The following FNDC3B variants were observed in gnomAD, a reference collection of about 807,000 sequenced individuals.
FNDC3B encodes the protein fibronectin type III domain-containing protein 3B.
A neutral mutation model predicts 151.5 loss-of-function variants in FNDC3B; 12 were observed. The ratio of observed to expected loss-of-function variants is 0.08; its 90% CI spans 0.05 to 0.13. The LOEUF (loss-of-function observed/expected upper bound fraction) is 0.13. Among genes scored for constraint, FNDC3B ranks in the 10% least tolerant of loss-of-function variants. FNDC3B has a pLI of 1.00. For missense variants in FNDC3B, 1,214 were observed against 1,505.3 expected (o/e 0.81, Z 3.20); for synonymous variants, 528 against 549.0 (o/e 0.96, Z 0.54).
intron 4 of FNDC3B, among the ~76,000 whole-genome samples, chr3:172,234,004 G>C (rs572659455): frequency 2.0e-5 from 3 of 152,270 alleles, no homozygotes; most frequent in African/African-American, 7.2e-5. Flanking sequence ...TACAGACAGG[G>C]TTGGCAATGC....
intron 23 of FNDC3B, among the ~76,000 whole-genome samples, chr3:172,376,574 G>C (rs1470028045): frequency 6.6e-6 from 1 of 152,174 alleles, no homozygotes; most frequent in Non-Finnish European, 1.5e-5. Flanking sequence ...ATAAATAGCT[G>C]TTTGGCTCTG....
intron 3 of FNDC3B, among the ~76,000 whole-genome samples, chr3:172,185,805 T>C (rs929778853): frequency 6.6e-6 from 1 of 152,206 alleles, no homozygotes; most frequent in Non-Finnish European, 1.5e-5. Context: ...TTTTTAATTA[T>C]GAGGAAATTA....
At chr3:172,066,373 T>C (rs1717496997) in intron 1 of FNDC3B, among the ~76,000 whole-genome samples, 1 of 152,268 alleles carries the variant, frequency 6.6e-6, no homozygotes, top group Non-Finnish European at 1.5e-5. Flanking sequence ...GGGAACGATG[T>C]GATTCCTATT....
chr3:172,218,307 C>T (rs915185066), intron 3 of FNDC3B, among the ~76,000 whole-genome samples: 1 of 151,994 alleles, frequency 6.6e-6, no homozygotes, highest in African/African-American at 2.4e-5. Flanking sequence ...ACAACTATGA[C>T]AAAGCAGCCA....
At chr3:172,275,290 G>T (rs752518007) in intron 6 of FNDC3B, among the ~76,000 whole-genome samples, 12 of 152,060 alleles carry the variant, frequency 7.9e-5, no homozygotes, top group Non-Finnish European at 1.3e-4. Context: ...TAGAACACTA[G>T]TTTCATTCTG....
At chr3:172,369,314 C>T (rs1734772026) in intron 23 of FNDC3B, among the ~76,000 whole-genome samples, 2 of 152,084 alleles carry the variant, frequency 1.3e-5, no homozygotes, top group African/African-American at 4.8e-5. Context: ...GAAGAGTATC[C>T]TTGAAGATTT....
chr3:172,312,082 G>C (rs1034256986), intron 11 of FNDC3B, among the ~76,000 whole-genome samples: 1 of 151,990 alleles, frequency 6.6e-6, no homozygotes, highest in Non-Finnish European at 1.5e-5. Context: ...TTAGAACTTA[G>C]GCAAAAAATG....
intron 3 of FNDC3B, among the ~76,000 whole-genome samples, chr3:172,177,515 A>T (rs1473176363): frequency 1.3e-5 from 2 of 151,836 alleles, no homozygotes; most frequent in Non-Finnish European, 2.9e-5. Context: ...TGTCTTGGAG[A>T]TAGAGATGGA....
At chr3:172,186,728 A>G (rs1265358850) in intron 3 of FNDC3B, 1 of 702,576 alleles carries the variant, frequency 1.4e-6, no homozygotes, top group South Asian at 1.5e-5. Context: ...TGGTGAAGAG[A>G]GCCTGCGATT....
chr3:172,261,269 A>G lies in FNDC3B; in HGVS notation c.790+9728A>G, dbSNP rs530047957. ...CGAGGTGGAAACCATTTCTGTTAAT[A>G]CCTTATCTGAAAGAGTCTCAGCATT... On this transcript the variant is annotated intron_variant, in intron 6 of 25. Coordinates refer to ENST00000415807, the MANE Select transcript of FNDC3B (RefSeq NM_022763.4). 1.1e-3 allele frequency among the ~76,000 whole-genome samples: 172 copies of G among 152,270 alleles called. 1 individual carries two copies. Among genetic ancestry groups the G allele is most frequent in the Admixed American group, 1.9e-3 (29 of 15,306 alleles).
intron 2 of FNDC3B, among the ~76,000 whole-genome samples, chr3:172,123,187 C>T (rs1559976561): frequency 1.3e-5 from 2 of 152,162 alleles, no homozygotes; most frequent in Non-Finnish European, 2.9e-5. Context: ...TATAGGCATG[C>T]ACCAGCATGG....
intron 4 of FNDC3B, among the ~76,000 whole-genome samples, chr3:172,243,890 G>A (rs1400591494): frequency 6.6e-6 from 1 of 152,188 alleles, no homozygotes; most frequent in Non-Finnish European, 1.5e-5. Context: ...GTCAGCCCAT[G>A]ATAGGTGACA....
rs1037796395 is a variant in FNDC3B, at chr3:172,400,799, C to T, written c.*3324C>T. 1 of 150,298 alleles carries T rather than the reference C, an allele frequency of 6.7e-6. No homozygotes were observed. The highest frequency in any genetic ancestry group is 2.4e-5 in the African/African-American group (1 of 40,940). The allele number at this position is 150,298 out of a possible 1,614,324, so 9.3% of individuals were successfully genotyped here. A position where few individuals can be genotyped will look rare whatever the true frequency, so the allele number is the denominator to read the frequency against. ...TTGAGACGGAGTCTTGCTCTGTCGCCAGGCTGGAGTGCAGTGGCGCGATCT... is the reference window on the plus strand; with the variant it reads ...TTGAGACGGAGTCTTGCTCTGTCGCTAGGCTGGAGTGCAGTGGCGCGATCT... On this transcript the variant is annotated 3_prime_UTR_variant, in exon 26 of 26. Coordinates refer to ENST00000415807, the MANE Select transcript of FNDC3B (RefSeq NM_022763.4).
intron 25 of FNDC3B, among the ~76,000 whole-genome samples, chr3:172,384,133 TA>T (rs889005011): frequency 2.0e-5 from 3 of 152,176 alleles, no homozygotes; most frequent in Non-Finnish European, 2.9e-5. Flanking sequence ...AAAATGTTTT[TA>T]AAAAAAGGTA....
rs1195351064 is a variant in FNDC3B, at chr3:172,040,462, C to T, written c.-29+691C>T. 6.6e-6 allele frequency: 1 copy of T among 152,000 alleles called. No individual in the cohort carries two copies. Among genetic ancestry groups the T allele is most frequent in the African/African-American group, 2.4e-5 (1 of 41,376 alleles). 9.4% of individuals were successfully genotyped at this position (152,000 alleles called of 1,614,324 possible). ...CGCTGCTGGCCACCTCCGAGCACGC[C>T]ACGTCCTCCTCCCCGTCCTGCCCCC... On this transcript the variant is annotated intron_variant, in intron 1 of 25. Coordinates refer to ENST00000415807, the MANE Select transcript of FNDC3B (RefSeq NM_022763.4). The surrounding 1 kb of genome is among the most constrained non-coding windows in gnomAD (Gnocchi z 6.6).
intron 6 of FNDC3B, among the ~76,000 whole-genome samples, chr3:172,268,831 A>AT (rs1189206792): frequency 6.6e-6 from 1 of 152,090 alleles, no homozygotes; most frequent in Non-Finnish European, 1.5e-5. Flanking sequence ...TACTTATGTG[A>AT]TTTTTCCATA....
chr3:172,147,748 G>A (rs1721991161), intron 3 of FNDC3B, among the ~76,000 whole-genome samples: 1 of 152,114 alleles, frequency 6.6e-6, no homozygotes, highest in African/African-American at 2.4e-5. Context: ...CTTGGTTCAG[G>A]AGTTCTGAGA....
intron 2 of FNDC3B, among the ~76,000 whole-genome samples, chr3:172,123,576 A>T (rs1720661589): frequency 6.6e-6 from 1 of 152,236 alleles, no homozygotes; most frequent in Non-Finnish European, 1.5e-5. Flanking sequence ...AAGCTGTGAC[A>T]TACAGAAGGA....
intron 25 of FNDC3B, among the ~76,000 whole-genome samples, chr3:172,389,845 G>A (rs115143823): frequency 6.8e-4 from 104 of 152,200 alleles, no homozygotes; most frequent in African/African-American, 2.2e-3. Context: ...CAGCCTGGGC[G>A]AGAGCGAGAC....
Sources: allele counts gnomAD v4.1 joint callset (sites outside exome capture counted in the v4.1 genomes callset), GRCh38; gene constraint gnomAD v4.1.1; non-coding constraint Gnocchi (gnomAD v3.1); transcripts MANE v1.5; gene names NCBI Gene and HGNC (gene_info 2026-07-23, HGNC 2026-07-21).